The following IL21R variants were observed in gnomAD, a reference collection of about 807,000 sequenced individuals.
IL21R encodes the protein interleukin-21 receptor.
In IL21R, 14 loss-of-function variants were observed where a neutral mutation model predicts 41.3. That is an observed-to-expected ratio of 0.34 (90% CI 0.22 to 0.53). IL21R has a LOEUF of 0.53. Ranked by LOEUF, IL21R falls within the 20% of genes least tolerant of loss-of-function variation. IL21R has a pLI of 0.94. For missense variants in IL21R, 588 were observed against 681.6 expected (o/e 0.86, Z 1.53); for synonymous variants, 286 against 287.6 (o/e 0.99, Z 0.05).
At chr16:27,444,112 A>G (rs144732912) in intron 5 of IL21R, 181 of 152,164 alleles carry the variant, frequency 1.2e-3, no homozygotes, top group Non-Finnish European at 1.9e-3. Context: ...AACTCTTGGA[A>G]TTCTTCAACA....
chr16:27,446,086 A>C lies in IL21R; in HGVS notation c.865A>C (p.Lys289Gln), dbSNP rs1252604703. The C allele has an allele frequency of 6.2e-7, 1 of 1,613,024 alleles. No individual in the cohort carries two copies. Among genetic ancestry groups the C allele is most frequent in the Non-Finnish European group, 8.5e-7 (1 of 1,179,550 alleles). Residue 289 changes from lysine to glutamine, a missense_variant and splice_region_variant, in exon 8 of 9, where the codon AAG becomes CAG. Physicochemically the swap from Lys to Gln is moderately conservative, Grantham distance 53. Coordinates refer to ENST00000337929, the MANE Select transcript of IL21R (RefSeq NM_181078.3). The stretch of plus-strand genomic sequence containing the variant: ...GTACAAGGGCTGCAGCGGAGACTTC[A>C]AGGTGAGCTCCCGACCCTGTGATGA... ...PLYKGCSGDF[K>Q]KWVGAPFTGS...
In IL21R at chr16:27,448,578, A is replaced by G. The variant is rs2087526693; in HGVS notation, c.912A>G (p.Gly304=). ...TCACTGGCTCCAGCCTGGAGCTGGGACCCTGGAGCCCAGAGGTGCCCTCCA... is the reference window on the plus strand; with the variant it reads ...TCACTGGCTCCAGCCTGGAGCTGGGGCCCTGGAGCCCAGAGGTGCCCTCCA... The part of the protein sequence containing the change: ...APFTGSSLEL[G]PWSPEVPSTL... The change falls in exon 9 of 9, where the codon GGA becomes GGG. Residue 304 remains glycine (G), a synonymous_variant. Coordinates refer to ENST00000337929, the MANE Select transcript of IL21R (RefSeq NM_181078.3). 6.2e-7 allele frequency: 1 copy of G among 1,611,972 alleles called. No homozygotes were observed. Among genetic ancestry groups the G allele is most frequent in the South Asian group, 1.1e-5 (1 of 90,946 alleles).
intron 1 of IL21R, among the ~76,000 whole-genome samples, chr16:27,419,556 T>C (rs1298277120): frequency 1.3e-5 from 2 of 152,064 alleles, no homozygotes; most frequent in African/African-American, 2.4e-5. Context: ...GTCTCACGAA[T>C]AGCTGGAATT....
At chr16:27,409,289 T>C (rs2086793102) in intron 1 of IL21R, among the ~76,000 whole-genome samples, 2 of 148,550 alleles carry the variant, frequency 1.3e-5, no homozygotes. Context: ...TTTACATATA[T>C]ATATAATTCT....
chr16:27,428,468 G>C (rs2087114321), intron 1 of IL21R, among the ~76,000 whole-genome samples: 1 of 152,250 alleles, frequency 6.6e-6, no homozygotes, highest in African/African-American at 2.4e-5. Context: ...CCTGTGACTT[G>C]GGTCCTGCAT....
At position 27,406,953 on chromosome 16, in the gene IL21R, C is replaced by A. The variant is rs938337867; in HGVS notation, c.-17+4335C>A. ...TGAGAACTTGCTGTGTGACCCTGGG[C>A]AGCCCACTGTCCTTCTCTGAAAGTT... On this transcript the variant is annotated intron_variant, in intron 1 of 8. Coordinates refer to ENST00000337929, the MANE Select transcript of IL21R (RefSeq NM_181078.3). Among the ~76,000 whole-genome samples the A allele has an allele frequency of 2.6e-5, 4 of 152,338 alleles. No homozygotes were observed. The East Asian group carries it at 5.8e-4, about 22-fold the overall frequency.
At chr16:27,408,776 C>T (rs539208045) in intron 1 of IL21R, among the ~76,000 whole-genome samples, 1 of 152,304 alleles carries the variant, frequency 6.6e-6, no homozygotes, top group Non-Finnish European at 1.5e-5. Flanking sequence ...TTTTACCACA[C>T]TACCCACCTT....
At chr16:27,417,724 A>G (rs1400996430) in intron 1 of IL21R, among the ~76,000 whole-genome samples, 2 of 152,202 alleles carry the variant, frequency 1.3e-5, no homozygotes, top group African/African-American at 4.8e-5. Context: ...CTGTAACACA[A>G]TTGTAAGTAT....
intron 4 of IL21R, 66 bp downstream of exon 4, chr16:27,437,753 T>G (rs1214734131): frequency 3.0e-6 from 4 of 1,352,006 alleles, no homozygotes; most frequent in Non-Finnish European, 4.2e-6. Flanking sequence ...CCCTGACCTC[T>G]CTGGGCTCAG....
intron 1 of IL21R, among the ~76,000 whole-genome samples, chr16:27,404,663 G>A (rs1451031575): frequency 6.6e-6 from 1 of 152,170 alleles, no homozygotes; most frequent in Non-Finnish European, 1.5e-5. Flanking sequence ...AGGGGTGCCT[G>A]CGGTTAGATG....
intron 3 of IL21R, 61 bp downstream of exon 3, chr16:27,434,510 C>A: frequency 9.6e-7 from 1 of 1,040,024 alleles, no homozygotes; most frequent in Non-Finnish European, 1.5e-6. Flanking sequence ...CTCAGTGATT[C>A]CCCCAGGAGG....
intron 8 of IL21R, 52 bp downstream of exon 8, chr16:27,446,140 G>C (rs1377236831): frequency 6.8e-7 from 1 of 1,476,602 alleles, no homozygotes; most frequent in Non-Finnish European, 9.4e-7. Context: ...TCCTCTTCAG[G>C]AGCCCCACCT....
In IL21R at chr16:27,442,969, G is replaced by A. The variant is rs141558701; in HGVS notation, c.360G>A (p.Pro120=). Residue 120 remains proline, a synonymous_variant, in exon 5 of 9, where the codon CCG becomes CCA. Transcript: ENST00000337929. The stretch of plus-strand genomic sequence containing the variant: ...CTGGGTTTTTCCACCAAGTCAAGCC[G>A]GCTCCCCCTTTCAACGTGACTGTGA... ...GSFLLAESIK[P]APPFNVTVTF... 370 of 1,582,814 alleles carry A rather than the reference G, an allele frequency of 2.3e-4. No individual in the cohort carries two copies. In the African/African-American group the frequency reaches 4.1e-3, roughly 17 times the overall value.
intron 4 of IL21R, among the ~76,000 whole-genome samples, chr16:27,439,373 CACACACA>C (rs2087335572): frequency 2.0e-5 from 3 of 151,836 alleles, no homozygotes; most frequent in African/African-American, 7.3e-5. Flanking sequence ...CACACACACA[CACACACA>C]CACGTACACA....
Position 27,445,186 on chromosome 16 carries a change from A to G in IL21R, c.695A>G (p.Glu232Gly). The change falls in exon 7 of 9, where the codon GAA (glutamate) becomes GGA (glycine). Residue 232 changes from glutamate to glycine, a missense_variant. Physicochemically the swap from Glu to Gly is moderately conservative, Grantham distance 98. Transcript: ENST00000337929. ...TTTGCTTCCTTCCCAGAGTTAAAGG[A>G]AGGCTGGAACCCTCACCTGCTGCTT... ...IFQTQSEELKEGWNPHLLLLL... is the reference protein window; with the variant it reads ...IFQTQSEELKGGWNPHLLLLL... The G allele has an allele frequency of 6.2e-7, 1 of 1,613,352 alleles. No individual in the cohort carries two copies.
intron 1 of IL21R, among the ~76,000 whole-genome samples, chr16:27,427,666 T>C (rs2087101719): frequency 6.6e-6 from 1 of 152,186 alleles, no homozygotes; most frequent in Non-Finnish European, 1.5e-5. Flanking sequence ...CACTTTTTGC[T>C]GTGCTGTGGT....
Position 27,423,007 on chromosome 16 carries a change from C to CT in IL21R, c.-16-7041dup, listed in dbSNP as rs201022182. The stretch of plus-strand genomic sequence containing the variant: ...TAGCTGGGTACTCACCAGGGCCCAT[C>CT]TTTTTTTTGCCAGGCCCTGAACTCT... On this transcript the variant is annotated intron_variant, in intron 1 of 8. Coordinates refer to ENST00000337929, the MANE Select transcript of IL21R (RefSeq NM_181078.3). 2.2e-4 allele frequency among the ~76,000 whole-genome samples: 34 copies of CT among 152,016 alleles called. 1 individual carries two copies. Among genetic ancestry groups the CT allele is most frequent in the East Asian group, 1.3e-3 (7 of 5,190 alleles).
chr16:27,447,034 C>T (rs1270599583), intron 8 of IL21R, among the ~76,000 whole-genome samples: 1 of 152,132 alleles, frequency 6.6e-6, no homozygotes, highest in Non-Finnish European at 1.5e-5. Flanking sequence ...ACCCTTCCTG[C>T]CTCACTCATT....
chr16:27,437,748 A>AGAGGTCAGGGCTG, intron 4 of IL21R, 61 bp downstream of exon 4: 7 of 1,400,386 alleles, frequency 5.0e-6, no homozygotes, highest in African/African-American at 1.4e-5. Context: ...CGCAGCCCTG[A>AGAGGTCAGGGCTG]CCTCTCTGGG....
Sources: gnomAD v4.1 joint callset for allele counts (sites outside exome capture counted in the v4.1 genomes callset) on GRCh38, gnomAD v4.1.1 for gene constraint, MANE v1.5 for transcripts, NCBI Gene and HGNC (gene_info 2026-07-23, HGNC 2026-07-21) for gene names.